Variants in CPNE7 observed in about 807,000 individuals in gnomAD.
CPNE7 encodes copine-7.
A neutral mutation model predicts 66.5 loss-of-function variants in CPNE7; 78 were observed. The ratio of observed to expected loss-of-function variants is 1.17; its 90% CI spans 0.98 to 1.42. The LOEUF is 1.42. Ranked by LOEUF, CPNE7 falls within the 40% of genes most tolerant of loss-of-function variation. The probability of loss-of-function intolerance (pLI) is 0.00; values close to 1 mark genes in which losing one functional copy is unlikely to be tolerated. For missense variants in CPNE7, 1,012 were observed against 776.6 expected (o/e 1.30, Z -3.60); for synonymous variants, 468 against 336.7 (o/e 1.39, Z -4.27).
intron 2 of CPNE7, among the ~76,000 whole-genome samples, chr16:89,582,557 G>A (rs1286378226): frequency 6.6e-6 from 1 of 152,200 alleles, no homozygotes; most frequent in East Asian, 1.9e-4. Context: ...GGAATCTTGG[G>A]GGGCCTGGCC....
At position 89,588,760 on chromosome 16, in the gene CPNE7, AC is replaced by A; in HGVS notation, c.1015del (p.Leu339Ter). The A allele has an allele frequency of 6.2e-7, 1 of 1,613,706 alleles. No homozygotes were observed. Among genetic ancestry groups the A allele is most frequent in the Non-Finnish European group, 8.5e-7 (1 of 1,179,948 alleles). On this transcript the variant is annotated frameshift_variant, in exon 10 of 15. Transcript: ENST00000319518. LOFTEE classifies it high-confidence loss of function. ...HYINPYQPNEYLKALVSVGEI... is the reference protein window; with the variant it reads ...HYINPYQPNEXLKALVSVGEI... ...ATCAACCCCTACCAGCCGAACGAGT[AC>A]CTGAAGGCACTGGTGTCCGTGGGCG...
chr16:89,593,208 G>A (rs1382845628), intron 13 of CPNE7, among the ~76,000 whole-genome samples: 1 of 151,988 alleles, frequency 6.6e-6, no homozygotes, highest in East Asian at 1.9e-4. Context: ...AAGCCAAATG[G>A]GAACCCTATA....
Position 89,576,702 on chromosome 16 carries a change from C to T in CPNE7, c.174+631C>T, listed in dbSNP as rs116272827. The stretch of plus-strand genomic sequence containing the variant: ...GCGAAGCCGCAGCGGGCGGAGGAGC[C>T]GGAACTCGAACCCCAGTCCGCGCGG... On this transcript the variant is annotated intron_variant, in intron 1 of 14. Coordinates refer to ENST00000319518, the MANE Select transcript of CPNE7 (RefSeq NM_153636.3). Among the ~76,000 whole-genome samples, 636 of 152,258 alleles carry T rather than the reference C, an allele frequency of 4.2e-3. 2 individuals are homozygous for T. Among genetic ancestry groups the T allele is most frequent in the Middle Eastern group, 0.027 (8 of 292 alleles).
At chr16:89,581,581 A>G (rs912199294) in intron 2 of CPNE7, among the ~76,000 whole-genome samples, 2 of 152,230 alleles carry the variant, frequency 1.3e-5, no homozygotes, top group African/African-American at 4.8e-5. Context: ...TTTTTAGATA[A>G]GGAAACTGAG....
chr16:89,577,994 A>T (rs747451510), intron 2 of CPNE7, among the ~76,000 whole-genome samples: 1 of 151,930 alleles, frequency 6.6e-6, no homozygotes, highest in Non-Finnish European at 1.5e-5. Context: ...GTCCCTGGAC[A>T]TTGTCCAGAG....
At chr16:89,578,831 T>G in intron 2 of CPNE7, 1 of 1,586,386 alleles carries the variant, frequency 6.3e-7, no homozygotes, top group South Asian at 1.1e-5. Flanking sequence ...TCCTTGGTGA[T>G]GCTCTCTGGG....
intron 13 of CPNE7, among the ~76,000 whole-genome samples, chr16:89,593,156 A>T (rs1185229887): frequency 6.6e-6 from 1 of 152,032 alleles, no homozygotes; most frequent in East Asian, 1.9e-4. Context: ...GGCACGAGGT[A>T]CATTCATGAT....
intron 2 of CPNE7, among the ~76,000 whole-genome samples, chr16:89,579,226 A>G (rs573150210): frequency 2.6e-4 from 40 of 151,756 alleles, no homozygotes; most frequent in Non-Finnish European, 5.0e-4. Flanking sequence ...TGGGAGGCAG[A>G]GGTTTCAGCG....
intron 9 of CPNE7, 119 bp from the exon 10 acceptor site, chr16:89,588,556 C>T (rs925031684): frequency 1.6e-6 from 2 of 1,283,360 alleles, no homozygotes; most frequent in South Asian, 1.3e-5. Context: ...CCAGCCCTAC[C>T]CACCTACGCG....
chr16:89,592,786 C>T (rs1169436165), intron 13 of CPNE7, among the ~76,000 whole-genome samples: 1 of 149,098 alleles, frequency 6.7e-6, no homozygotes, highest in Non-Finnish European at 1.5e-5. Context: ...TTAAAATTTA[C>T]CATTGTAACC....
rs1162907257 is a variant in CPNE7, at chr16:89,590,251, G to A, written c.1116+300G>A. Among the ~76,000 whole-genome samples the A allele has an allele frequency of 2.6e-5, 4 of 152,304 alleles. No homozygotes were observed. In the East Asian group the frequency reaches 5.8e-4, roughly 22 times the overall value. ...ACAATTCAGCTAGCTTCGGCCAGGC[G>A]TGGTGGCTCACGCCTGTAATCCCAG... On this transcript the variant is annotated intron_variant, in intron 11 of 14. Transcript: ENST00000319518.
At chr16:89,582,653 C>T (rs960222660) in intron 2 of CPNE7, among the ~76,000 whole-genome samples, 1 of 152,268 alleles carries the variant, frequency 6.6e-6, no homozygotes, top group African/African-American at 2.4e-5. Flanking sequence ...CTTCCCCAGC[C>T]CTGACCTGGG....
rs778065838 is a variant in CPNE7 at position 89,588,805 on chromosome 16, A to G, written c.1058A>G (p.Asp353Gly). The change falls in exon 10 of 15, where the codon GAC becomes GGC. Residue 353 changes from aspartate to glycine, a missense_variant. Transcript: ENST00000319518. ...VSVGEICQDY[D>G]SDKRFSALGF... Reference sequence around the variant, plus strand: ...GTGGGCGAGATCTGCCAGGACTATGACAGGTGCGCCCACCACCTTCCCCTC... The same window carrying G: ...GTGGGCGAGATCTGCCAGGACTATGGCAGGTGCGCCCACCACCTTCCCCTC... The G allele has an allele frequency of 3.7e-6, 6 of 1,613,100 alleles. No homozygotes were observed. In the African/African-American group the frequency reaches 4.0e-5, roughly 11 times the overall value.
chr16:89,597,223 A>G lies in CPNE7; in HGVS notation c.*602A>G, dbSNP rs1238803958. On this transcript the variant is annotated 3_prime_UTR_variant, in exon 15 of 15. Coordinates refer to ENST00000319518, the MANE Select transcript of CPNE7 (RefSeq NM_153636.3). ...TTCTGCCGGTGGGGCTTCAGGAGTA[A>G]TAAAGTGTCACCCTATCCTTGTAGT... 6.5e-6 allele frequency: 1 copy of G among 152,754 alleles called. No individual in the cohort carries two copies. Among genetic ancestry groups the G allele is most frequent in the Non-Finnish European group, 1.5e-5 (1 of 68,544 alleles). 9.5% of individuals were successfully genotyped at this position (152,754 alleles called of 1,614,324 possible).
chr16:89,583,484 G>A (rs139566794), intron 2 of CPNE7: 40 of 1,553,470 alleles, frequency 2.6e-5, no homozygotes, highest in South Asian at 2.1e-4. Context: ...TGCTGGCGCC[G>A]TGAGGTGGTG....
At chr16:89,577,274 G>C (rs938545229) in intron 1 of CPNE7, among the ~76,000 whole-genome samples, 6 of 152,092 alleles carry the variant, frequency 3.9e-5, no homozygotes, top group Non-Finnish European at 7.4e-5. Context: ...TCTCGCCCCC[G>C]ACTCAGCGTG....
At position 89,585,599 on chromosome 16, in the gene CPNE7, A is replaced by G. The variant is rs571713689; in HGVS notation, c.681+46A>G. ...AGGGGGCAGTGAGGGGGTGGCCTGGATGTGGGCTGCGATGGAGACACCTGG... is the reference window on the plus strand; with the variant it reads ...AGGGGGCAGTGAGGGGGTGGCCTGGGTGTGGGCTGCGATGGAGACACCTGG... On this transcript the variant is annotated intron_variant, in intron 6 of 14. Transcript: ENST00000319518. 6.2e-6 allele frequency: 9 copies of G among 1,447,658 alleles called. No individual in the cohort carries two copies. In the African/African-American group the frequency reaches 1.0e-4, roughly 16 times the overall value. The allele number at this position is 1,447,658 out of a possible 1,614,324, so 89.7% of individuals were successfully genotyped here.
At position 89,596,566 on chromosome 16, in the gene CPNE7, C is replaced by T. The variant is rs2059259586; in HGVS notation, c.1622C>T (p.Pro541Leu). 6.2e-7 allele frequency: 1 copy of T among 1,608,976 alleles called. No homozygotes were observed. The highest frequency in any genetic ancestry group is 8.5e-7 in the Non-Finnish European group (1 of 1,179,772). ...GAGTACTACAGCCACAGAGGCCTGC[C>T]CCCGAGAAGCCTGGGTGTCCCTGCC... ...VVEYYSHRGL[P>L]PRSLGVPAGE... Residue 541 changes from proline (P) to leucine (L), a missense_variant, in exon 15 of 15, where the codon CCC becomes CTC. Physicochemically the swap from Pro to Leu is moderately conservative, Grantham distance 98. Transcript: ENST00000319518.
chr16:89,582,896 C>T (rs550326396), intron 2 of CPNE7, among the ~76,000 whole-genome samples: 23 of 152,252 alleles, frequency 1.5e-4, no homozygotes, highest in Non-Finnish European at 3.1e-4. Flanking sequence ...GAGGAGATGA[C>T]GGCCACCCCG....
Sources: allele counts gnomAD v4.1 joint callset (sites outside exome capture counted in the v4.1 genomes callset), GRCh38; gene constraint gnomAD v4.1.1; transcripts MANE v1.5; gene names NCBI Gene and HGNC (gene_info 2026-07-23, HGNC 2026-07-21).